TGFBR3: variants seen among roughly 807,000 people sequenced by gnomAD.
TGFBR3 encodes the protein transforming growth factor beta receptor type 3.
Under a neutral mutation model 87.9 loss-of-function variants are expected in TGFBR3, and 46 were observed. The observed-to-expected ratio is 0.52, with a 90% CI of 0.41 to 0.67. The LOEUF (loss-of-function observed/expected upper bound fraction) is 0.67. Among genes scored for constraint, TGFBR3 ranks in the 30% least tolerant of loss-of-function variants. The pLI, the probability that TGFBR3 is intolerant of heterozygous loss-of-function variation, is 0.00. For missense variants in TGFBR3, 866 were observed against 1,041.9 expected, an observed-to-expected ratio of 0.83 and a Z score of 2.32; for synonymous variants, 381 against 391.6, an observed-to-expected ratio of 0.97 and a Z score of 0.32.
chr1:91,815,207 T>C (rs284144), intron 2 of TGFBR3, among the ~76,000 whole-genome samples: 100,443 of 151,598 alleles, frequency 0.66, 33,355 homozygotes, highest in East Asian at 0.78. Context: ...GAGGCTGAGG[T>C]AGGAGAATCA....
At chr1:91,824,972 C>G (rs1377980985) in intron 2 of TGFBR3, among the ~76,000 whole-genome samples, 1 of 152,106 alleles carries the variant, frequency 6.6e-6, no homozygotes, top group Non-Finnish European at 1.5e-5. Flanking sequence ...AAAATAATAA[C>G]AATAATAATG....
At chr1:91,692,097 A>T (rs975379621) in intron 16 of TGFBR3, among the ~76,000 whole-genome samples, 3 of 152,246 alleles carry the variant, frequency 2.0e-5, no homozygotes, top group African/African-American at 7.2e-5. Context: ...GTCATGCAGG[A>T]TATTATACTA....
chr1:91,723,389 G>A (rs1672435445), intron 7 of TGFBR3, among the ~76,000 whole-genome samples: 2 of 150,874 alleles, frequency 1.3e-5, no homozygotes, highest in South Asian at 2.1e-4. Context: ...GCTGAGGTGG[G>A]AGGATCACCT....
chr1:91,824,212 A>C (rs1282385778), intron 2 of TGFBR3, among the ~76,000 whole-genome samples: 1 of 152,236 alleles, frequency 6.6e-6, no homozygotes, highest in Non-Finnish European at 1.5e-5. Context: ...TTAAAAGAAA[A>C]AAAGAGTATG....
chr1:91,763,963 T>G (rs1211402084), intron 3 of TGFBR3, among the ~76,000 whole-genome samples: 1 of 152,194 alleles, frequency 6.6e-6, no homozygotes, highest in Admixed American at 6.5e-5. Flanking sequence ...CAAAATATTT[T>G]TAGAGAACTG....
chr1:91,837,274 CTCTG>C lies in TGFBR3; in HGVS notation c.61+24193_61+24196del, dbSNP rs536428969. Among the ~76,000 whole-genome samples the C allele has an allele frequency of 7.1e-3, 1,085 of 152,002 alleles. 4 individuals are homozygous for C. Among genetic ancestry groups the C allele is most frequent in the Non-Finnish European group, 0.012 (790 of 68,000 alleles). ...TTTAATTTTCCAAGATAGAGTCTTG[CTCTG>C]TCTGTCGCCCAGGCTGGAGTGCAGT... On this transcript the variant is annotated intron_variant, in intron 2 of 16. Coordinates refer to ENST00000212355, the MANE Select transcript of TGFBR3 (RefSeq NM_003243.5).
chr1:91,831,132 G>A (rs1302825980), intron 2 of TGFBR3, among the ~76,000 whole-genome samples: 2 of 152,094 alleles, frequency 1.3e-5, no homozygotes, highest in African/African-American at 4.8e-5. Context: ...ACCTGCCTGG[G>A]TTGTTCATTT....
intron 2 of TGFBR3, among the ~76,000 whole-genome samples, chr1:91,896,861 A>G (rs971078819): frequency 2.0e-5 from 3 of 152,018 alleles, no homozygotes; most frequent in African/African-American, 4.8e-5. Flanking sequence ...CAAGTGAGAG[A>G]AAGGAAGGAA....
chr1:91,855,300 CCACTGGCA>C (rs1278254490), intron 2 of TGFBR3, among the ~76,000 whole-genome samples: 7 of 152,216 alleles, frequency 4.6e-5, no homozygotes, highest in African/African-American at 1.7e-4. Context: ...CACCAAGAGC[CCACTGGCA>C]TCAATGCCAG....
rs180871328 is a variant in TGFBR3 at position 91,771,371 on chromosome 1, G to A, written c.247-12621C>T. The stretch of plus-strand genomic sequence containing the variant: ...ATGATTTCATGTTTAGGAAGTTGAG[G>A]ATGAAGCTAAAGTCATTTTTTAAGT... On this transcript the variant is annotated intron_variant, in intron 3 of 16. Transcript: ENST00000212355. Among the ~76,000 whole-genome samples the A allele has an allele frequency of 2.5e-3, 375 of 152,178 alleles. 1 individual carries two copies. The highest frequency in any genetic ancestry group is 8.7e-3 in the African/African-American group (363 of 41,524).
At chr1:91,700,758 C>G (rs1277576341) in intron 14 of TGFBR3, among the ~76,000 whole-genome samples, 1 of 152,158 alleles carries the variant, frequency 6.6e-6, no homozygotes, top group African/African-American at 2.4e-5. Context: ...ACAATGATGC[C>G]TTACATTTGT....
chr1:91,875,139 G>GT (rs1442990152), intron 1 of TGFBR3, among the ~76,000 whole-genome samples: 2 of 152,090 alleles, frequency 1.3e-5, no homozygotes, highest in East Asian at 3.9e-4. Context: ...TACCAAGATG[G>GT]TAAGACTCAA....
intron 6 of TGFBR3, among the ~76,000 whole-genome samples, chr1:91,729,075 CA>C (rs1229978415): frequency 1.4e-4 from 14 of 98,326 alleles, no homozygotes; most frequent in African/African-American, 5.3e-4. Context: ...CACACACACA[CA>C]CCAAGCACAC....
chr1:91,850,077 T>A (rs1677663317), intron 2 of TGFBR3, among the ~76,000 whole-genome samples: 1 of 68,390 alleles, frequency 1.5e-5, no homozygotes, highest in Non-Finnish European at 2.4e-5. Context: ...CAAGACTCCA[T>A]CTCAAAAAAA....
In TGFBR3 at chr1:91,683,766, C is replaced by T. The variant is rs1365051384; in HGVS notation, c.2529G>A (p.Thr843=). 8.1e-6 allele frequency: 13 copies of T among 1,595,876 alleles called. No homozygotes were observed. Among genetic ancestry groups the T allele is most frequent in the African/African-American group, 4.0e-5 (3 of 74,880 alleles). ...AGGCCGTGCTGCTGCTGGAGCAAGG[C>T]GTGCTCTGCGTGCTGCCGATGCTGT... ...AAHSIGSTQS[T]PCSSSSTA The change falls in exon 17 of 17, where the codon ACG becomes ACA. Residue 843 remains threonine (T), a synonymous_variant. Transcript: ENST00000212355.
intron 2 of TGFBR3, among the ~76,000 whole-genome samples, chr1:91,806,557 A>G (rs1675841430): frequency 6.6e-6 from 1 of 152,138 alleles, no homozygotes. Flanking sequence ...CTAAATACCA[A>G]TGCATACCAA....
intron 2 of TGFBR3, among the ~76,000 whole-genome samples, chr1:91,821,328 CAAAAAAA>C (rs35313779): frequency 3.9e-5 from 3 of 77,590 alleles, no homozygotes; most frequent in African/African-American, 1.0e-4. Context: ...AAGACTGTCT[CAAAAAAA>C]AAAAAAAAAA....
chr1:91,681,098 G>C lies in TGFBR3; in HGVS notation c.*2641C>G, dbSNP rs1284018634. 1 of 453,958 alleles carries C rather than the reference G, an allele frequency of 2.2e-6. No homozygotes were observed. Among genetic ancestry groups the C allele is most frequent in the Non-Finnish European group, 4.4e-6 (1 of 226,784 alleles). The allele number at this position is 453,958 out of a possible 1,614,324, so 28.1% of individuals were successfully genotyped here. A position where few individuals can be genotyped will look rare whatever the true frequency, so the allele number is the denominator to read the frequency against. ...CCTGCAGAAATAACAAAAGACTGCAGATACAAGAGTTCAGCTGAAATACAA... is the reference window on the plus strand; with the variant it reads ...CCTGCAGAAATAACAAAAGACTGCACATACAAGAGTTCAGCTGAAATACAA... On this transcript the variant is annotated 3_prime_UTR_variant, in exon 17 of 17. Coordinates refer to ENST00000212355, the MANE Select transcript of TGFBR3 (RefSeq NM_003243.5).
rs80151893 is a variant in TGFBR3 at position 91,877,816 on chromosome 1, T to C, written c.-114+8062A>G. 9.7e-3 allele frequency among the ~76,000 whole-genome samples: 1,470 copies of C among 152,230 alleles called. 25 individuals carry two copies. The highest frequency in any genetic ancestry group is 0.033 in the African/African-American group (1,369 of 41,516). On this transcript the variant is annotated intron_variant, in intron 1 of 16. Coordinates refer to ENST00000212355, the MANE Select transcript of TGFBR3 (RefSeq NM_003243.5). The stretch of plus-strand genomic sequence containing the variant: ...ACAAAATGGGCTGTTGGCATAAGTA[T>C]TTTTTTCAGGATTCAGATGATTTAT...
Sources: allele counts gnomAD v4.1 joint callset (sites outside exome capture counted in the v4.1 genomes callset), GRCh38; gene constraint gnomAD v4.1.1; transcripts MANE v1.5; gene names NCBI Gene and HGNC (gene_info 2026-07-23, HGNC 2026-07-21).